Variants in RIMS1 observed in about 807,000 individuals in gnomAD.
RIMS1 encodes the protein regulating synaptic membrane exocytosis protein 1.
A neutral mutation model predicts 214.1 loss-of-function variants in RIMS1; 83 were observed. That is an observed-to-expected ratio of 0.39 (90% CI 0.32 to 0.47). The LOEUF is 0.47. Among genes scored for constraint, RIMS1 ranks in the 20% least tolerant of loss-of-function variants. RIMS1 has a pLI of 0.99. For synonymous variants in RIMS1, 793 were observed against 786.8 expected (o/e 1.01, Z -0.13); for missense variants, 2,050 against 2,161.8 (o/e 0.95, Z 1.03).
At chr6:71,968,860 A>G in intron 1 of RIMS1, 123 bp from the exon 2 acceptor site, 1 of 957,056 alleles carries the variant, frequency 1.0e-6, no homozygotes, top group Non-Finnish European at 1.6e-6. Flanking sequence ...CCCCAAGGTT[A>G]ATGTTGAAGG....
intron 1 of RIMS1, among the ~76,000 whole-genome samples, chr6:71,921,858 T>A (rs1467321866): frequency 6.6e-6 from 1 of 152,226 alleles, no homozygotes; most frequent in Non-Finnish European, 1.5e-5. Flanking sequence ...ATTTCCTTTA[T>A]GGGAATTTCT....
chr6:72,388,736 G>T (rs1027827375), intron 29 of RIMS1, among the ~76,000 whole-genome samples: 1 of 152,156 alleles, frequency 6.6e-6, no homozygotes, highest in South Asian at 2.1e-4. Context: ...GATTGGGTGT[G>T]GGGTGTGTTA....
At chr6:72,000,180 T>C (rs1804721696) in intron 2 of RIMS1, among the ~76,000 whole-genome samples, 1 of 152,130 alleles carries the variant, frequency 6.6e-6, no homozygotes, top group African/African-American at 2.4e-5. Flanking sequence ...AACATAAATC[T>C]TATATGATAT....
chr6:72,103,131 T>C (rs1382175453), intron 4 of RIMS1, among the ~76,000 whole-genome samples: 2 of 152,130 alleles, frequency 1.3e-5, no homozygotes, highest in Admixed American at 1.3e-4. Context: ...GTTTAGAATG[T>C]ATCAAGAGAA....
intron 2 of RIMS1, among the ~76,000 whole-genome samples, chr6:72,091,062 A>G (rs1406675752): frequency 6.6e-6 from 1 of 152,196 alleles, no homozygotes; most frequent in Non-Finnish European, 1.5e-5. Context: ...AACAGAGGCC[A>G]TGCTTATTGT....
At chr6:72,270,541 C>G (rs2082547240) in intron 22 of RIMS1, among the ~76,000 whole-genome samples, 1 of 152,080 alleles carries the variant, frequency 6.6e-6, no homozygotes, top group South Asian at 2.1e-4. Context: ...GTGAGTTAGA[C>G]CCAGGTACTA....
chr6:72,324,038 A>AGATG (rs1196956063), intron 28 of RIMS1, among the ~76,000 whole-genome samples: 1 of 149,808 alleles, frequency 6.7e-6, no homozygotes, highest in Non-Finnish European at 1.5e-5. Context: ...ATAGATAGAT[A>AGATG]GATAGATAGA....
intron 2 of RIMS1, among the ~76,000 whole-genome samples, chr6:72,060,001 C>T (rs926764653): frequency 1.3e-5 from 2 of 151,954 alleles, no homozygotes; most frequent in African/African-American, 2.4e-5. Context: ...TGCAATGGCA[C>T]GATCTCAGCT....
chr6:72,263,015 T>C, intron 19 of RIMS1: 9 of 753,458 alleles, frequency 1.2e-5, no homozygotes, highest in Non-Finnish European at 1.5e-5. Context: ...AAGTTTATTT[T>C]ACGACTAATA....
intron 29 of RIMS1, among the ~76,000 whole-genome samples, chr6:72,372,028 T>G (rs1314457455): frequency 1.3e-5 from 2 of 152,176 alleles, no homozygotes; most frequent in Non-Finnish European, 2.9e-5. Flanking sequence ...ATGTGGAGTA[T>G]TAGAATAAAG....
chr6:72,289,650 T>C (rs2093016785), intron 24 of RIMS1, among the ~76,000 whole-genome samples: 1 of 152,172 alleles, frequency 6.6e-6, no homozygotes, highest in Admixed American at 6.5e-5. Flanking sequence ...GCTATAAAAA[T>C]CATTTTACTT....
intron 29 of RIMS1, among the ~76,000 whole-genome samples, chr6:72,356,703 T>A (rs982987052): frequency 1.3e-5 from 2 of 151,976 alleles, no homozygotes; most frequent in Non-Finnish European, 2.9e-5. Flanking sequence ...GAGGTTGCAG[T>A]GAGCCAAGAT....
intron 1 of RIMS1, among the ~76,000 whole-genome samples, chr6:71,920,983 A>G (rs1779794028): frequency 6.6e-6 from 1 of 152,194 alleles, no homozygotes; most frequent in Non-Finnish European, 1.5e-5. Flanking sequence ...CATGTAATTC[A>G]TATTAATAAT....
At chr6:72,190,036 C>A (rs1341361072) in intron 6 of RIMS1, among the ~76,000 whole-genome samples, 1 of 152,186 alleles carries the variant, frequency 6.6e-6, no homozygotes, top group Non-Finnish European at 1.5e-5. Context: ...TTGGCCATAG[C>A]CTGTGAATCA....
chr6:72,203,756 C>G (rs986960472), intron 6 of RIMS1, among the ~76,000 whole-genome samples: 1 of 152,162 alleles, frequency 6.6e-6, no homozygotes, highest in African/African-American at 2.4e-5. Flanking sequence ...GTTCAGTGCA[C>G]GTTGCAATCA....
At chr6:72,361,465 T>A (rs1253601699) in intron 29 of RIMS1, among the ~76,000 whole-genome samples, 1 of 152,138 alleles carries the variant, frequency 6.6e-6, no homozygotes, top group Non-Finnish European at 1.5e-5. Context: ...TATATCTTAT[T>A]CCAGGGGTCA....
At chr6:72,138,704 AC>A (rs1344812658) in intron 4 of RIMS1, among the ~76,000 whole-genome samples, 1 of 152,214 alleles carries the variant, frequency 6.6e-6, no homozygotes, top group African/African-American at 2.4e-5. Context: ...AAGGCACATT[AC>A]AAAAAATGAA....
intron 4 of RIMS1, among the ~76,000 whole-genome samples, chr6:72,110,019 T>C (rs1248365714): frequency 1.3e-5 from 2 of 152,118 alleles, no homozygotes; most frequent in African/African-American, 4.8e-5. Flanking sequence ...TTTAGATATG[T>C]GGCGTTATTT....
intron 1 of RIMS1, among the ~76,000 whole-genome samples, chr6:71,937,825 C>T (rs763932344): frequency 2.0e-5 from 3 of 152,046 alleles, no homozygotes; most frequent in Non-Finnish European, 4.4e-5. Context: ...AGAATTCTAC[C>T]CTGGGTCCCC....
Sources: gnomAD v4.1 joint callset for allele counts (sites outside exome capture counted in the v4.1 genomes callset) on GRCh38, gnomAD v4.1.1 for gene constraint, MANE v1.5 for transcripts, NCBI Gene and HGNC (gene_info 2026-07-23, HGNC 2026-07-21) for gene names.